Variants in LRP1B observed in about 807,000 individuals in gnomAD.
The protein encoded by LRP1B is low-density lipoprotein receptor-related protein 1B.
Under a neutral mutation model 556.6 loss-of-function variants are expected in LRP1B, and 217 were observed. The observed-to-expected ratio is 0.39, with a 90% CI of 0.35 to 0.44. The LOEUF (loss-of-function observed/expected upper bound fraction) is 0.44, where lower values mean the gene tolerates loss of function less well. Ranked by LOEUF, LRP1B falls within the 20% of genes least tolerant of loss-of-function variation. The pLI is 1.00. For synonymous variants in LRP1B, 2,047 were observed against 1,865.8 expected, an observed-to-expected ratio of 1.10 and a Z score of -2.50; for missense variants, 5,053 against 5,620.8, an observed-to-expected ratio of 0.90 and a Z score of 3.23.
chr2:141,039,251 C>T (rs1029598838), intron 11 of LRP1B, among the ~76,000 whole-genome samples: 7 of 152,012 alleles, frequency 4.6e-5, no homozygotes, highest in African/African-American at 1.7e-4. Context: ...GAGTACAGTA[C>T]AGTAAGGTAT....
intron 3 of LRP1B, among the ~76,000 whole-genome samples, chr2:141,362,276 C>A (rs1452203594): frequency 6.6e-6 from 1 of 152,148 alleles, no homozygotes; most frequent in African/African-American, 2.4e-5. Context: ...CCTTTCTATC[C>A]TTTTCCAAAG....
chr2:140,384,722 A>G (rs1290486565), intron 67 of LRP1B, among the ~76,000 whole-genome samples: 2 of 152,188 alleles, frequency 1.3e-5, no homozygotes, highest in Non-Finnish European at 1.5e-5. Context: ...TACTAATTAT[A>G]TGCTTTAATA....
intron 1 of LRP1B, among the ~76,000 whole-genome samples, chr2:141,865,509 G>A (rs1574443109): frequency 6.9e-6 from 1 of 145,230 alleles, no homozygotes; most frequent in East Asian, 2.0e-4. Flanking sequence ...GGAGAATGGC[G>A]TGAACCCGGG....
At chr2:140,807,111 G>A (rs1391426003) in intron 32 of LRP1B, among the ~76,000 whole-genome samples, 4 of 152,096 alleles carry the variant, frequency 2.6e-5, no homozygotes, top group East Asian at 3.8e-4. Context: ...ACTTGAGTTC[G>A]CCTCACTGTC....
intron 35 of LRP1B, among the ~76,000 whole-genome samples, chr2:140,762,210 C>T (rs75087921): frequency 0.015 from 2,237 of 152,214 alleles, 21 homozygotes; most frequent in Middle Eastern, 0.037. Context: ...TGGATTATGT[C>T]ACATTGCTTA....
chr2:140,401,851 C>T (rs796162200), intron 66 of LRP1B, among the ~76,000 whole-genome samples: 2 of 152,210 alleles, frequency 1.3e-5, no homozygotes, highest in African/African-American at 4.8e-5. Context: ...CCTGCAACAC[C>T]CTGGCTAACC....
intron 41 of LRP1B, among the ~76,000 whole-genome samples, chr2:140,679,012 G>C (rs763135454): frequency 1.1e-4 from 17 of 152,022 alleles, no homozygotes; most frequent in Non-Finnish European, 1.8e-4. Flanking sequence ...CCTGACCTCT[G>C]TTGATCCACC....
At position 140,748,795 on chromosome 2, in the gene LRP1B, T is replaced by TG. The variant is rs1559094706; in HGVS notation, c.5758+20417_5758+20418insC. Among the ~76,000 whole-genome samples the TG allele has an allele frequency of 3.5e-3, 114 of 32,756 alleles. 6 individuals are homozygous for TG. The highest frequency in any genetic ancestry group is 9.3e-3 in the African/African-American group (112 of 12,092). The allele number at this position is 32,756 out of a possible 152,430, so 21.5% of individuals were successfully genotyped here. A position where few individuals can be genotyped will look rare whatever the true frequency, so the allele number is the denominator to read the frequency against. On this transcript the variant is annotated intron_variant, in intron 35 of 90. Transcript: ENST00000389484. ...TATAATATGTATATAATATATATTA[T>TG]ATACATATTATATACATGTATATAA...
chr2:141,277,308 T>C (rs2105380125), intron 3 of LRP1B, among the ~76,000 whole-genome samples: 1 of 152,304 alleles, frequency 6.6e-6, no homozygotes, highest in African/African-American at 2.4e-5. Flanking sequence ...TCTGTTATTT[T>C]TAGGCTTTTT....
rs1553469382 is a variant in LRP1B at position 141,822,130 on chromosome 2, C to CAGAGAGAGAGAGAGAGAGAG, written c.83-11749_83-11730dup. On this transcript the variant is annotated intron_variant, in intron 1 of 90. Coordinates refer to ENST00000389484, the MANE Select transcript of LRP1B (RefSeq NM_018557.3). The stretch of plus-strand genomic sequence containing the variant: ...ACACACACACACACACACACACACA[C>CAGAGAGAGAGAGAGAGAGAG]AGAGAGAGAGAGAGAGAGAGAGAGA... Among the ~76,000 whole-genome samples the CAGAGAGAGAGAGAGAGAGAG allele has an allele frequency of 2.5e-3, 240 of 95,832 alleles. 2 individuals are homozygous for CAGAGAGAGAGAGAGAGAGAG. Among genetic ancestry groups the CAGAGAGAGAGAGAGAGAGAG allele is most frequent in the South Asian group, 4.1e-3 (9 of 2,192 alleles). 62.9% of individuals were successfully genotyped at this position (95,832 alleles called of 152,430 possible).
At chr2:140,785,681 T>C (rs1162815061) in intron 32 of LRP1B, among the ~76,000 whole-genome samples, 1 of 152,156 alleles carries the variant, frequency 6.6e-6, no homozygotes, top group Non-Finnish European at 1.5e-5. Flanking sequence ...CTCAATGTTA[T>C]CCCTAAATAT....
chr2:142,038,879 G>C (rs143279448), intron 1 of LRP1B, among the ~76,000 whole-genome samples: 1 of 151,532 alleles, frequency 6.6e-6, no homozygotes, highest in African/African-American at 2.4e-5. Flanking sequence ...AGACTGGAGC[G>C]TAGTGGCCTT....
intron 2 of LRP1B, among the ~76,000 whole-genome samples, chr2:141,705,229 G>A (rs1172907016): frequency 6.6e-6 from 1 of 151,978 alleles, no homozygotes; most frequent in Non-Finnish European, 1.5e-5. Flanking sequence ...AGAAAAAAAT[G>A]TAGGCTTGAA....
At position 140,485,541 on chromosome 2, in the gene LRP1B, T is replaced by A. The variant is rs200105681; in HGVS notation, c.9244-17A>T. ...ATGAACTACCTACAAAACAAGAATT[T>A]AAAAGGTTAACAGCGTAAATCCCTA... On this transcript the variant is annotated splice_polypyrimidine_tract_variant and intron_variant, in intron 58 of 90. Coordinates refer to ENST00000389484, the MANE Select transcript of LRP1B (RefSeq NM_018557.3). 1.7e-4 allele frequency: 277 copies of A among 1,600,556 alleles called. No homozygotes were observed. Among genetic ancestry groups the A allele is most frequent in the Non-Finnish European group, 2.3e-4 (270 of 1,172,540 alleles).
At chr2:140,290,370 G>A (rs1009639015) in intron 84 of LRP1B, among the ~76,000 whole-genome samples, 1 of 152,044 alleles carries the variant, frequency 6.6e-6, no homozygotes, top group Non-Finnish European at 1.5e-5. Flanking sequence ...GTAATGTGCT[G>A]CATTAATCCA....
intron 7 of LRP1B, among the ~76,000 whole-genome samples, chr2:141,164,727 GC>G (rs1680177725): frequency 6.6e-6 from 1 of 151,974 alleles, no homozygotes; most frequent in African/African-American, 2.4e-5. Flanking sequence ...ATGTGGGGAA[GC>G]AGTTTTAAAT....
intron 1 of LRP1B, among the ~76,000 whole-genome samples, chr2:142,113,118 A>G (rs746333098): frequency 6.6e-6 from 1 of 152,086 alleles, no homozygotes; most frequent in Non-Finnish European, 1.5e-5. Context: ...GGAAATAGAC[A>G]CAGAGAGAGG....
rs144263824 is a variant in LRP1B at position 140,910,155 on chromosome 2, T to C, written c.3320-2078A>G. Among the ~76,000 whole-genome samples the C allele has an allele frequency of 6.2e-3, 931 of 151,014 alleles. 11 individuals are homozygous for C. Among genetic ancestry groups the C allele is most frequent in the African/African-American group, 0.021 (877 of 41,374 alleles). On this transcript the variant is annotated intron_variant, in intron 21 of 90. Transcript: ENST00000389484. ...GTAGAAACTGTATATATTCCAACTA[T>C]TTAGAAGTAATTTAATGTAATAGTA...
chr2:141,213,343 A>C (rs1231790582), intron 6 of LRP1B, among the ~76,000 whole-genome samples: 2 of 152,218 alleles, frequency 1.3e-5, no homozygotes, highest in African/African-American at 4.8e-5. Context: ...TTATTTATCA[A>C]AGTAACGTAA....
Sources: allele counts gnomAD v4.1 joint callset (sites outside exome capture counted in the v4.1 genomes callset), GRCh38; gene constraint gnomAD v4.1.1; transcripts MANE v1.5; gene names NCBI Gene and HGNC (gene_info 2026-07-23, HGNC 2026-07-21).